Variants in SLC35F3 observed in about 807,000 individuals in gnomAD.
The protein encoded by SLC35F3 is putative thiamine transporter SLC35F3.
In SLC35F3, 25 loss-of-function variants were observed where a neutral mutation model predicts 49.9. That is an observed-to-expected ratio of 0.50 (90% CI 0.37 to 0.70). The LOEUF (loss-of-function observed/expected upper bound fraction) is 0.70. SLC35F3 is among the 30% of genes least tolerant of loss of function. The pLI is 0.00. For missense variants in SLC35F3, 525 were observed against 639.8 expected, an observed-to-expected ratio of 0.82 and a Z score of 1.94; for synonymous variants, 275 against 265.4, an observed-to-expected ratio of 1.04 and a Z score of -0.35.
intron 2 of SLC35F3, chr1:234,026,759 C>T (rs929148482): frequency 1.3e-5 from 2 of 152,040 alleles, no homozygotes; most frequent in African/African-American, 2.4e-5. Flanking sequence ...TAAACTCTTA[C>T]ACCTTAAAAT....
intron 2 of SLC35F3, among the ~76,000 whole-genome samples, chr1:234,228,907 G>A (rs529801122): frequency 1.1e-4 from 16 of 152,232 alleles, no homozygotes; most frequent in African/African-American, 2.9e-4. Flanking sequence ...TTTATATGAG[G>A]TGTGACGTGT....
intron 2 of SLC35F3, among the ~76,000 whole-genome samples, chr1:234,119,299 ATTT>A (rs34256875): frequency 2.9e-5 from 4 of 140,188 alleles, no homozygotes; most frequent in Admixed American, 7.1e-5. Context: ...ATTCATGGTG[ATTT>A]TTTTTTTTTT....
At chr1:234,192,576 A>G (rs557240304) in intron 2 of SLC35F3, among the ~76,000 whole-genome samples, 2 of 152,300 alleles carry the variant, frequency 1.3e-5, no homozygotes, top group Non-Finnish European at 2.9e-5. Context: ...TCAACATAGT[A>G]CTGGAGGCCC....
intron 6 of SLC35F3, 88 bp downstream of exon 6, chr1:234,319,031 A>G (rs907857936): frequency 5.5e-5 from 61 of 1,108,994 alleles, no homozygotes; most frequent in Non-Finnish European, 7.9e-5. Flanking sequence ...GGCAGAAAAC[A>G]GTGCTCTTTG....
chr1:233,999,166 T>G (rs1281269267), intron 2 of SLC35F3, among the ~76,000 whole-genome samples: 1 of 152,164 alleles, frequency 6.6e-6, no homozygotes, highest in African/African-American at 2.4e-5. Flanking sequence ...CCCCTTTGTC[T>G]AAGCTGTGTT....
chr1:234,088,277 G>A (rs759612091), intron 2 of SLC35F3, among the ~76,000 whole-genome samples: 7 of 152,172 alleles, frequency 4.6e-5, no homozygotes, highest in African/African-American at 1.4e-4. Context: ...GCGCGATCTC[G>A]GCTCACTGCA....
intron 3 of SLC35F3, among the ~76,000 whole-genome samples, chr1:234,295,254 G>A (rs926319195): frequency 1.3e-5 from 2 of 152,246 alleles, no homozygotes; most frequent in Non-Finnish European, 2.9e-5. Flanking sequence ...TGGGCTGAAA[G>A]CCTTTTGGAA....
intron 3 of SLC35F3, among the ~76,000 whole-genome samples, chr1:234,255,150 C>T (rs1440930566): frequency 6.6e-6 from 1 of 152,032 alleles, no homozygotes; most frequent in Non-Finnish European, 1.5e-5. Context: ...TACAGAGAAC[C>T]CTTAAAACTA....
intron 2 of SLC35F3, among the ~76,000 whole-genome samples, chr1:234,148,433 T>A (rs1666027300): frequency 6.6e-6 from 1 of 152,102 alleles, no homozygotes; most frequent in Non-Finnish European, 1.5e-5. Context: ...TCTGAAGCTG[T>A]CATTATGAAA....
At chr1:233,917,269 T>C (rs1343213994) in intron 2 of SLC35F3, among the ~76,000 whole-genome samples, 1 of 152,164 alleles carries the variant, frequency 6.6e-6, no homozygotes, top group Non-Finnish European at 1.5e-5. Context: ...AAACTCTATA[T>C]TATGTACATA....
chr1:234,027,963 C>T lies in SLC35F3; in HGVS notation c.283+122205C>T, dbSNP rs1047367013. Among the ~76,000 whole-genome samples the T allele has an allele frequency of 2.0e-5, 3 of 152,024 alleles. No individual in the cohort carries two copies. Among genetic ancestry groups the T allele is most frequent in the Non-Finnish European group, 4.4e-5 (3 of 68,020 alleles). ...GGGGAAATTCAGGAGGGGAATCGAT[C>T]GCACAGGAGTAAAGTATCAAATTTG... On this transcript the variant is annotated intron_variant, in intron 2 of 7. Transcript: ENST00000366618. This position sits in a 1 kb window ranked among gnomAD's most constrained non-coding sequence, Gnocchi z 4.1.
intron 3 of SLC35F3, among the ~76,000 whole-genome samples, chr1:234,247,878 A>AGTTGGCTGGTGCATTGTTTGATGGGTCT: frequency 1.5e-4 from 1 of 6,756 alleles, no homozygotes; most frequent in African/African-American, 6.3e-4. Flanking sequence ...TTGATGGGTC[A>AGTTGGCTGGTGCATTGTTTGATGGGTCT]GTTGGCTGGT....
intron 4 of SLC35F3, 111 bp from the exon 5 acceptor site, chr1:234,316,491 T>C: frequency 7.3e-7 from 1 of 1,376,446 alleles, no homozygotes; most frequent in Non-Finnish European, 9.8e-7. Context: ...GAGACACCAC[T>C]TTCCCCTCAC....
At chr1:234,108,501 A>T (rs1446493363) in intron 2 of SLC35F3, among the ~76,000 whole-genome samples, 1 of 114,624 alleles carries the variant, frequency 8.7e-6, no homozygotes. Context: ...TATATTATTT[A>T]TATATATAAA....
chr1:234,136,624 T>C (rs780067363), intron 2 of SLC35F3, among the ~76,000 whole-genome samples: 2 of 152,262 alleles, frequency 1.3e-5, no homozygotes, highest in Admixed American at 6.5e-5. Flanking sequence ...AAAGTTTTTC[T>C]CAGCACATAG....
intron 3 of SLC35F3, among the ~76,000 whole-genome samples, chr1:234,234,009 A>T (rs2102952613): frequency 6.7e-6 from 1 of 149,724 alleles, no homozygotes; most frequent in Admixed American, 6.6e-5. Flanking sequence ...AGGAGAGAAA[A>T]ATTTTAACAT....
chr1:233,962,562 A>G (rs1358072643), intron 2 of SLC35F3, among the ~76,000 whole-genome samples: 1 of 152,238 alleles, frequency 6.6e-6, no homozygotes, highest in Non-Finnish European at 1.5e-5. Context: ...AAAATGAATC[A>G]AGGTCTTTGG....
intron 2 of SLC35F3, among the ~76,000 whole-genome samples, chr1:234,062,002 G>C (rs1572036862): frequency 1.3e-5 from 2 of 152,022 alleles, no homozygotes; most frequent in South Asian, 4.2e-4. Context: ...TGGAGGTATG[G>C]GTCACAATTT....
At chr1:234,278,882 T>C (rs1159406747) in intron 3 of SLC35F3, among the ~76,000 whole-genome samples, 1 of 152,174 alleles carries the variant, frequency 6.6e-6, no homozygotes, top group Admixed American at 6.5e-5. Context: ...TCTGATACCA[T>C]CACACTGGGG....
Sources: gnomAD v4.1 joint callset for allele counts (sites outside exome capture counted in the v4.1 genomes callset) on GRCh38, gnomAD v4.1.1 for gene constraint, Gnocchi (gnomAD v3.1) non-coding constraint, MANE v1.5 for transcripts, NCBI Gene and HGNC (gene_info 2026-07-23, HGNC 2026-07-21) for gene names.